Variants in HERC1 observed in about 807,000 individuals in gnomAD.
HERC1 encodes probable E3 ubiquitin-protein ligase HERC1.
A neutral mutation model predicts 554.3 loss-of-function variants in HERC1; 160 were observed. The ratio of observed to expected loss-of-function variants is 0.29; its 90% CI spans 0.25 to 0.33. HERC1 has a LOEUF of 0.33. HERC1 is among the 10% of genes least tolerant of loss of function. The pLI, the probability that HERC1 is intolerant of heterozygous loss-of-function variation, is 1.00. For missense variants in HERC1, 4,919 were observed against 5,918.5 expected, an observed-to-expected ratio of 0.83 and a Z score of 5.54; for synonymous variants, 2,175 against 2,131.7, an observed-to-expected ratio of 1.02 and a Z score of -0.56.
chr15:63,695,589 T>C (rs889507246), intron 27 of HERC1, among the ~76,000 whole-genome samples: 2 of 152,028 alleles, frequency 1.3e-5, no homozygotes, highest in African/African-American at 2.4e-5. Flanking sequence ...GGTTTCGCCA[T>C]GTTGGCCAGG....
chr15:63,752,184 T>C (rs1042263124), intron 8 of HERC1, among the ~76,000 whole-genome samples: 1 of 152,190 alleles, frequency 6.6e-6, no homozygotes, highest in East Asian at 1.9e-4. Context: ...AGTTTCTCAG[T>C]GAATAATCAA....
intron 1 of HERC1, among the ~76,000 whole-genome samples, chr15:63,817,234 A>G (rs1339445336): frequency 1.3e-5 from 2 of 151,958 alleles, no homozygotes; most frequent in African/African-American, 4.9e-5. Flanking sequence ...ATAGATCTAT[A>G]TCTATCTATA....
At chr15:63,664,249 A>G (rs2070502037) in intron 43 of HERC1, among the ~76,000 whole-genome samples, 1 of 152,242 alleles carries the variant, frequency 6.6e-6, no homozygotes, top group South Asian at 2.1e-4. Flanking sequence ...GCCAGTATAG[A>G]CTTCTGCACC....
chr15:63,660,333 C>T (rs78063098), intron 46 of HERC1, among the ~76,000 whole-genome samples: 2,348 of 151,640 alleles, frequency 0.015, 38 homozygotes, highest in African/African-American at 0.039. Context: ...GAAATAAAAA[C>T]AATAAATAAA....
Position 63,616,003 on chromosome 15 carries a change from A to G in HERC1, c.13942-83T>C, listed in dbSNP as rs75713882. The G allele has an allele frequency of 7.5e-5, 86 of 1,146,436 alleles. No individual in the cohort carries two copies. The African/African-American group carries it at 1.3e-3, about 18-fold the overall frequency. 71.0% of individuals were successfully genotyped at this position (1,146,436 alleles called of 1,614,324 possible). A position where few individuals can be genotyped will look rare whatever the true frequency, so the allele number is the denominator to read the frequency against. ...TTTTACATACAAATACGGCACAGCA[A>G]TAACAAACTCACAATTTTTAAGGAT... is the stretch of plus-strand genomic sequence containing the variant. On this transcript the variant is annotated intron_variant, in intron 75 of 77. Coordinates refer to ENST00000443617, the MANE Select transcript of HERC1 (RefSeq NM_003922.4).
chr15:63,822,207 G>A (rs548399847), intron 1 of HERC1, among the ~76,000 whole-genome samples: 44 of 152,330 alleles, frequency 2.9e-4, no homozygotes, highest in African/African-American at 9.6e-4. Flanking sequence ...AATAAACAAG[G>A]AGAGGGAGGC....
rs557894225 is a variant in HERC1 at position 63,609,215 on chromosome 15, G to A, written c.14452C>T (p.Pro4818Ser). The change falls in exon 78 of 78, where the codon CCC (proline) becomes TCC (serine). Residue 4818 changes from proline to serine, a missense_variant. Physicochemically the swap from Pro to Ser is moderately conservative, Grantham distance 74 (BLOSUM62 -1). Transcript: ENST00000443617. ...ATGACCAGCTGGCTGGAGTACGGGGGCAGCCTCAGCTGGAAGAAGCAGGTC... is the reference window on the plus strand; with the variant it reads ...ATGACCAGCTGGCTGGAGTACGGGGACAGCCTCAGCTGGAAGAAGCAGGTC... Reference protein sequence around the residue: ...SQTCFFQLRLPPYSSQLVMAE... With the variant: ...SQTCFFQLRLSPYSSQLVMAE... 8 of 1,613,576 alleles carry A rather than the reference G, an allele frequency of 5.0e-6. No individual in the cohort carries two copies. The African/African-American group carries it at 9.3e-5, about 19-fold the overall frequency.
At position 63,833,870 on chromosome 15, in the gene HERC1, G is replaced by A. The variant is rs567312768; in HGVS notation, c.-70C>T. The A allele has an allele frequency of 4.3e-4, 66 of 152,936 alleles. 2 individuals carry two copies. The South Asian group carries it at 0.012, about 29-fold the overall frequency. The allele number at this position is 152,936 out of a possible 1,614,324, so 9.5% of individuals were successfully genotyped here. Reference sequence around the variant, plus strand: ...GGGTGGGGCGCGGCTCCGGCGACCCGAGCCCGGCTCCGCAGAGGCTGCGGC... The same window carrying A: ...GGGTGGGGCGCGGCTCCGGCGACCCAAGCCCGGCTCCGCAGAGGCTGCGGC... On this transcript the variant is annotated 5_prime_UTR_variant, in exon 1 of 78. Coordinates refer to ENST00000443617, the MANE Select transcript of HERC1 (RefSeq NM_003922.4).
At chr15:63,611,461 T>C (rs1007779749) in intron 77 of HERC1, among the ~76,000 whole-genome samples, 21 of 152,218 alleles carry the variant, frequency 1.4e-4, no homozygotes, top group African/African-American at 5.1e-4. Context: ...GCTCTGCAGC[T>C]GGGGCCTTTC....
intron 27 of HERC1, 51 bp downstream of exon 27, chr15:63,696,073 G>C: frequency 7.6e-7 from 1 of 1,320,562 alleles, no homozygotes; most frequent in Non-Finnish European, 1.1e-6. Flanking sequence ...TATTAAAGTG[G>C]CTTTGTAAAA....
Position 63,694,573 on chromosome 15 carries a change from G to C in HERC1, c.5243-24C>G. ...TTCTAAAAGACAAAGAGACAGTTAAGAATCTTCCTTTCAGTAAACAAAGCA... is the reference window on the plus strand; with the variant it reads ...TTCTAAAAGACAAAGAGACAGTTAACAATCTTCCTTTCAGTAAACAAAGCA... On this transcript the variant is annotated intron_variant, in intron 28 of 77. Coordinates refer to ENST00000443617, the MANE Select transcript of HERC1 (RefSeq NM_003922.4). The surrounding 1 kb of genome is among the most constrained non-coding windows in gnomAD (Gnocchi z 4.3). 6.3e-7 allele frequency: 1 copy of C among 1,586,718 alleles called. No homozygotes were observed.
intron 70 of HERC1, among the ~76,000 whole-genome samples, chr15:63,626,760 T>C (rs1380605636): frequency 6.6e-6 from 1 of 152,194 alleles, no homozygotes; most frequent in Non-Finnish European, 1.5e-5. Flanking sequence ...AGATACAAAC[T>C]CACTTCAGTT....
chr15:63,772,346 C>T (rs999489318), intron 2 of HERC1, among the ~76,000 whole-genome samples: 1 of 152,022 alleles, frequency 6.6e-6, no homozygotes, highest in African/African-American at 2.4e-5. Context: ...TGTTCAAACA[C>T]ACCATTGGCA....
Position 63,720,103 on chromosome 15 carries a change from CTTTTT to C in HERC1, c.3743-1211_3743-1207del, listed in dbSNP as rs573648232. On this transcript the variant is annotated intron_variant, in intron 19 of 77. Coordinates refer to ENST00000443617, the MANE Select transcript of HERC1 (RefSeq NM_003922.4). ...GGACTAGTCAGGTGCTTTTTCTTCC[CTTTTT>C]TTTTTTTTTTAAGAGACAGGGTCTC... 5.2e-3 allele frequency among the ~76,000 whole-genome samples: 369 copies of C among 71,618 alleles called. 36 individuals are homozygous for C. The highest frequency in any genetic ancestry group is 0.021 in the African/African-American group (342 of 16,630). The allele number at this position is 71,618 out of a possible 152,430, so 47.0% of individuals were successfully genotyped here.
chr15:63,634,914 A>C (rs554155972), intron 65 of HERC1, 26 bp from the exon 66 acceptor site: 5 of 1,542,512 alleles, frequency 3.2e-6, no homozygotes, highest in African/African-American at 2.8e-5. Context: ...GGAGAAAGAA[A>C]ATTTTTAAGA....
intron 27 of HERC1, among the ~76,000 whole-genome samples, chr15:63,695,849 T>C (rs374152989): frequency 6.6e-6 from 1 of 152,096 alleles, no homozygotes; most frequent in African/African-American, 2.4e-5. Context: ...CAAACTCCAA[T>C]CCCTATCCTT....
intron 36 of HERC1, among the ~76,000 whole-genome samples, chr15:63,678,838 G>A (rs1223047507): frequency 5.3e-5 from 8 of 152,122 alleles, no homozygotes; most frequent in Non-Finnish European, 7.4e-5. Context: ...CAAAACTTGG[G>A]TTCAAATCAT....
rs1315079251 is a variant in HERC1, at chr15:63,723,292, T to C, written c.3632A>G (p.Asp1211Gly). The change falls in exon 19 of 78, where the codon GAT becomes GGT. Residue 1211 changes from aspartate (D) to glycine (G), a missense_variant. Coordinates refer to ENST00000443617, the MANE Select transcript of HERC1 (RefSeq NM_003922.4). ...AGCAATTTCAGGCCGCAATTTATAA[T>C]CAAAAGGCTTCTGTTCTTCATTTCC... ...LSGNEEQKPF[D>G]YKLRPEIAVY... The C allele has an allele frequency of 6.3e-7, 1 of 1,596,872 alleles. No homozygotes were observed. Among genetic ancestry groups the C allele is most frequent in the Non-Finnish European group, 8.5e-7 (1 of 1,170,700 alleles).
Position 63,686,523 on chromosome 15 carries a change from A to G in HERC1, c.6061T>C (p.Leu2021=). ...QEIKLQKQGE[L]EEEDENLPIQ... ...GGAAGATTCTCATCTTCTTCTTCCA[A>G]CTCGCCCTGCTTCTACCAGAAAAGA... The change falls in exon 34 of 78, where the codon TTG becomes CTG. Residue 2021 remains leucine, a synonymous_variant. Coordinates refer to ENST00000443617, the MANE Select transcript of HERC1 (RefSeq NM_003922.4). 6.2e-7 allele frequency: 1 copy of G among 1,612,258 alleles called. No individual in the cohort carries two copies. Among genetic ancestry groups the G allele is most frequent in the Non-Finnish European group, 8.5e-7 (1 of 1,179,328 alleles).
Sources: allele counts gnomAD v4.1 joint callset (sites outside exome capture counted in the v4.1 genomes callset), GRCh38; gene constraint gnomAD v4.1.1; non-coding constraint Gnocchi (gnomAD v3.1); transcripts MANE v1.5; gene names NCBI Gene and HGNC (gene_info 2026-07-23, HGNC 2026-07-21).